The following GP6 variants were observed in gnomAD, a reference collection of about 807,000 sequenced individuals.
GP6 encodes glycoprotein VI platelet.
In GP6, 45 loss-of-function variants were observed where a neutral mutation model predicts 37.3. That is an observed-to-expected ratio of 1.21 (90% CI 0.95 to 1.55). The LOEUF is 1.55. Among genes scored for constraint, GP6 ranks in the 40% most tolerant of loss-of-function variants. The probability of loss-of-function intolerance (pLI) is 0.00; values close to 1 mark genes in which losing one functional copy is unlikely to be tolerated. For synonymous variants in GP6, 340 were observed against 316.4 expected (o/e 1.07, Z -0.79); for missense variants, 813 against 760.2 (o/e 1.07, Z -0.82).
intron 1 of GP6, 87 bp from the exon 2 acceptor site, chr19:55,032,625 G>A: frequency 7.7e-7 from 1 of 1,306,570 alleles, no homozygotes; most frequent in South Asian, 1.2e-5. Context: ...ACATTTGCAT[G>A]CATATGCTTT....
At chr19:55,016,901 C>CA (rs2073896841) in intron 6 of GP6, among the ~76,000 whole-genome samples, 1 of 151,526 alleles carries the variant, frequency 6.6e-6, no homozygotes, top group African/African-American at 2.4e-5. Context: ...ACTAAAAATA[C>CA]AAAAAATAGC....
chr19:55,032,403 G>A lies in GP6; in HGVS notation c.68-7C>T. On this transcript the variant is annotated splice_region_variant and splice_polypyrimidine_tract_variant and intron_variant, in intron 2 of 7. Coordinates refer to ENST00000310373, the MANE Select transcript of GP6 (RefSeq NM_001083899.2). ...GAGGGCTTGGGGAGCGGTCCTGGAA[G>A]AGGAGCAGGGCTGGGTCAGCCTCCC... 2 of 1,612,430 alleles carry A rather than the reference G, an allele frequency of 1.2e-6. No individual in the cohort carries two copies. Among genetic ancestry groups the A allele is most frequent in the Non-Finnish European group, 1.7e-6 (2 of 1,179,248 alleles).
intron 1 of GP6, among the ~76,000 whole-genome samples, chr19:55,034,871 A>T (rs1280974301): frequency 6.6e-6 from 1 of 152,124 alleles, no homozygotes; most frequent in East Asian, 1.9e-4. Flanking sequence ...GAGCTCAGAG[A>T]GTGACAACTT....
intron 1 of GP6, among the ~76,000 whole-genome samples, chr19:55,034,285 G>T (rs544333427): frequency 8.7e-4 from 133 of 152,074 alleles, no homozygotes; most frequent in Middle Eastern, 3.4e-3. Flanking sequence ...GGCCGGGCAC[G>T]GTGGCTCATG....
At chr19:55,016,867 C>A (rs1028877335) in intron 6 of GP6, among the ~76,000 whole-genome samples, 58 of 151,814 alleles carry the variant, frequency 3.8e-4, no homozygotes, top group Non-Finnish European at 5.9e-4. Flanking sequence ...ACCATCCTGG[C>A]CAACATGGTG....
At chr19:55,029,002 G>C (rs991097881) in intron 3 of GP6, among the ~76,000 whole-genome samples, 1 of 151,006 alleles carries the variant, frequency 6.6e-6, no homozygotes, top group Admixed American at 6.6e-5. Context: ...CTCAAAAAAA[G>C]ACAGAGAGAG....
At chr19:55,032,079 C>T (rs1427509589) in intron 3 of GP6, 60 bp downstream of exon 3, 17 of 1,563,964 alleles carry the variant, frequency 1.1e-5, no homozygotes, top group African/African-American at 1.4e-5. Context: ...CAATGTCCCC[C>T]GTATTTGTGT....
intron 6 of GP6, among the ~76,000 whole-genome samples, chr19:55,016,606 C>G (rs989903521): frequency 6.6e-6 from 1 of 151,816 alleles, no homozygotes; most frequent in Non-Finnish European, 1.5e-5. Context: ...GAACTCCTGA[C>G]CTTGTGATCC....
rs374590810 is a variant in GP6 at position 55,014,359 on chromosome 19, C to A, written c.1586G>T (p.Cys529Phe). 7.4e-6 allele frequency: 12 copies of A among 1,612,020 alleles called. No homozygotes were observed. The African/African-American group carries it at 1.2e-4, about 16-fold the overall frequency. ...GTTTTCTAATGTGAAGGGAAGCGGG[C>A]AACGTGCTAGTTTTACACTAAGGAA... The change falls in exon 8 of 8, where the codon TGC (cysteine) becomes TTC (phenylalanine). Residue 529 changes from cysteine (C) to phenylalanine (F), a missense_variant. Physicochemically the swap from Cys to Phe is radical, Grantham distance 205. Transcript: ENST00000310373.
intron 7 of GP6, among the ~76,000 whole-genome samples, chr19:55,015,390 ACTC>A (rs1449322357): frequency 6.6e-6 from 1 of 151,996 alleles, no homozygotes; most frequent in African/African-American, 2.4e-5. Flanking sequence ...CTCTGAGACA[ACTC>A]CTCCCCAGAC....
intron 5 of GP6, among the ~76,000 whole-genome samples, chr19:55,024,366 G>GCACA (rs375157831): frequency 0.15 from 20,820 of 136,682 alleles, 2,148 homozygotes; most frequent in Non-Finnish European, 0.23. Context: ...ACACACATAT[G>GCACA]CACGCACACA....
At chr19:55,021,851 C>T (rs895108709) in intron 5 of GP6, among the ~76,000 whole-genome samples, 30 of 152,160 alleles carry the variant, frequency 2.0e-4, no homozygotes, top group Non-Finnish European at 3.1e-4. Flanking sequence ...GCCATTTTGA[C>T]TGGTGTGAGA....
Position 55,024,877 on chromosome 19 carries a change from T to TGTTG in GP6, c.664+337_664+340dup, listed in dbSNP as rs10526819. 5.0e-3 allele frequency among the ~76,000 whole-genome samples: 756 copies of TGTTG among 150,704 alleles called. 7 individuals carry two copies. Among genetic ancestry groups the TGTTG allele is most frequent in the South Asian group, 0.022 (104 of 4,750 alleles). On this transcript the variant is annotated intron_variant, in intron 5 of 7. Coordinates refer to ENST00000310373, the MANE Select transcript of GP6 (RefSeq NM_001083899.2). ...AACAGAGTCCCGGACTCTACAGGTT[T>TGTTG]GTTGGTTGGTTGGTTGGTTGGTTGG...
intron 3 of GP6, among the ~76,000 whole-genome samples, chr19:55,029,554 T>C (rs1168829236): frequency 1.3e-4 from 20 of 149,234 alleles, no homozygotes; most frequent in Non-Finnish European, 2.4e-4. Flanking sequence ...CCATGCCCAG[T>C]TAATTTTGTA....
intron 1 of GP6, among the ~76,000 whole-genome samples, chr19:55,036,090 A>AT (rs199695594): frequency 6.7e-6 from 1 of 148,864 alleles, no homozygotes; most frequent in African/African-American, 2.4e-5. Flanking sequence ...AAAAAAAAAA[A>AT]GTCTTTTGCA....
rs2073743721 is a variant in GP6, at chr19:55,014,027, A to G, written c.*55T>C. The G allele has an allele frequency of 3.7e-6, 2 of 544,464 alleles. No individual in the cohort carries two copies. The highest frequency in any genetic ancestry group is 4.4e-5 in the Admixed American group (2 of 45,154). 33.7% of individuals were successfully genotyped at this position (544,464 alleles called of 1,614,324 possible). ...ATTTTAAAAATGTATACAGAATTGT[A>G]CATATTTATGGGGTGGACAGCAATA... On this transcript the variant is annotated 3_prime_UTR_variant, in exon 8 of 8. Coordinates refer to ENST00000310373, the MANE Select transcript of GP6 (RefSeq NM_001083899.2).
chr19:55,025,349 T>G, intron 4 of GP6, 78 bp from the exon 5 acceptor site: 1 of 899,592 alleles, frequency 1.1e-6, no homozygotes, highest in Non-Finnish European at 1.8e-6. Context: ...TCTCCGTGAC[T>G]GAGTTTCCTC....
chr19:55,037,011 T>A (rs2074855788), intron 1 of GP6, among the ~76,000 whole-genome samples: 1 of 152,050 alleles, frequency 6.6e-6, no homozygotes. Context: ...CGAGACTCCA[T>A]CTCAAAAAAC....
rs1283494787 is a variant in GP6, at chr19:55,015,602, GC to G, written c.779+76del. On this transcript the variant is annotated intron_variant, in intron 7 of 7. Transcript: ENST00000310373. ...TGGAACCCAAGATCTGAGAGCTGCA[GC>G]CCCTGCGTAGACAAAGGAGTTGGCT... 1.5e-5 allele frequency: 13 copies of G among 849,270 alleles called. No homozygotes were observed. The African/African-American group carries it at 1.6e-4, about 11-fold the overall frequency. 52.6% of individuals were successfully genotyped at this position (849,270 alleles called of 1,614,324 possible).
Sources: gnomAD v4.1 joint callset for allele counts (sites outside exome capture counted in the v4.1 genomes callset) on GRCh38, gnomAD v4.1.1 for gene constraint, MANE v1.5 for transcripts, NCBI Gene and HGNC (gene_info 2026-07-23, HGNC 2026-07-21) for gene names.